Variants in PLG observed in about 807,000 individuals in gnomAD.
PLG encodes the protein plasminogen.
PLG carries 41 observed loss-of-function variants against 104.4 expected under a neutral mutation model. The ratio of observed to expected loss-of-function variants is 0.39; its 90% CI spans 0.31 to 0.51. The LOEUF is 0.51. PLG is among the 20% of genes least tolerant of loss of function. PLG has a pLI of 0.76. For synonymous variants in PLG, 337 were observed against 357.1 expected (o/e 0.94, Z 0.63); for missense variants, 891 against 1,003.6 (o/e 0.89, Z 1.52).
chr6:160,712,282 G>A (rs181902207), intron 4 of PLG: 160 of 157,076 alleles, frequency 1.0e-3, no homozygotes, highest in Non-Finnish European at 1.8e-3. Flanking sequence ...TAGACTGTAA[G>A]TCTTGTGATT....
rs1031032372 is a variant in PLG at position 160,710,854 on chromosome 6, G to A, written c.293-223G>A. ...TGCCCCGTGTGTCCCCAGCATCCTG[G>A]TGGGGCTCGATACACAGAGAGCTCA... On this transcript the variant is annotated intron_variant, in intron 3 of 18. Coordinates refer to ENST00000308192, the MANE Select transcript of PLG (RefSeq NM_000301.5). Among the ~76,000 whole-genome samples the A allele has an allele frequency of 9.2e-5, 14 of 152,300 alleles. 1 individual carries two copies. The highest frequency in any genetic ancestry group is 9.2e-4 in the Admixed American group (14 of 15,300).
In PLG at chr6:160,731,102, G is replaced by A; in HGVS notation, c.1308G>A (p.Trp436Ter). 3 of 1,614,076 alleles carry A rather than the reference G, an allele frequency of 1.9e-6. No individual in the cohort carries two copies. The highest frequency in any genetic ancestry group is 2.5e-6 in the Non-Finnish European group (3 of 1,179,978). ...CRNPDADKGP[W>*]CFTTDPSVRW... Reference sequence around the variant, plus strand: ...ATCCAGATGCCGATAAAGGCCCCTGGTGTTTTACCACAGACCCCAGCGTCA... The same window carrying A: ...ATCCAGATGCCGATAAAGGCCCCTGATGTTTTACCACAGACCCCAGCGTCA... The change falls in exon 11 of 19, where the codon TGG (tryptophan) becomes TGA (stop). Residue 436 changes from tryptophan (W) to a stop codon, truncating the protein, a stop_gained. Transcript: ENST00000308192. LOFTEE classifies it high-confidence loss of function. The surrounding 1 kb of genome is among the most constrained non-coding windows in gnomAD (Gnocchi z 5.1).
intron 1 of PLG, among the ~76,000 whole-genome samples, chr6:160,704,941 C>T (rs1272463257): frequency 2.6e-5 from 4 of 152,218 alleles, no homozygotes; most frequent in African/African-American, 9.6e-5. Context: ...AACCAATGCG[C>T]TCTGCAGTGT....
chr6:160,751,524 C>T (rs1285145483), intron 17 of PLG, among the ~76,000 whole-genome samples: 1 of 152,186 alleles, frequency 6.6e-6, no homozygotes, highest in Non-Finnish European at 1.5e-5. Context: ...ATAAGGTTTA[C>T]TATTTTAACC....
rs540499381 is a variant in PLG at position 160,711,001 on chromosome 6, C to T, written c.293-76C>T. On this transcript the variant is annotated intron_variant, in intron 3 of 18. Coordinates refer to ENST00000308192, the MANE Select transcript of PLG (RefSeq NM_000301.5). ...GGTCTGGTGCATGAGATCTTTTTCT[C>T]AACGTGACTATGCTGTGCAGACCTT... 38 of 1,419,696 alleles carry T rather than the reference C, an allele frequency of 2.7e-5. No homozygotes were observed. The African/African-American group carries it at 4.9e-4, about 18-fold the overall frequency. The allele number at this position is 1,419,696 out of a possible 1,614,324, so 87.9% of individuals were successfully genotyped here.
At chr6:160,716,620 A>G in intron 6 of PLG, 25 bp from the exon 7 acceptor site, 1 of 1,256,086 alleles carries the variant, frequency 8.0e-7, no homozygotes, top group Non-Finnish European at 1.2e-6. Flanking sequence ...GTTCAGTGCT[A>G]CTAAAATCTT....
At chr6:160,718,558 A>T (rs1777781970) in intron 8 of PLG, 102 bp downstream of exon 8, 1 of 1,354,490 alleles carries the variant, frequency 7.4e-7, no homozygotes, top group Non-Finnish European at 1.1e-6. Context: ...AGTATTCTGG[A>T]AGAAAAACTG....
At position 160,712,951 on chromosome 6, in the gene PLG, AT is replaced by A. The variant is rs766822979; in HGVS notation, c.408-34del. The A allele has an allele frequency of 8.9e-6, 14 of 1,578,900 alleles. No homozygotes were observed. The South Asian group carries it at 1.6e-4, about 17-fold the overall frequency. The stretch of plus-strand genomic sequence containing the variant: ...TGCTAATAGCAAGCTGATTTTTAGA[AT>A]ATAGTCTAAGTGCTTCTTTTCCATC... On this transcript the variant is annotated intron_variant, in intron 4 of 18. Transcript: ENST00000308192.
At position 160,731,129 on chromosome 6, in the gene PLG, G is replaced by T. The variant is rs371661937; in HGVS notation, c.1335G>T (p.Arg445Ser). The change falls in exon 11 of 19, where the codon AGG (arginine) becomes AGT (serine). Residue 445 changes from arginine to serine, a missense_variant. This residue lies in a region of PLG where 854 missense variants were observed against 932.1 expected (regional missense o/e 0.92). Coordinates refer to ENST00000308192, the MANE Select transcript of PLG (RefSeq NM_000301.5). This position sits in a 1 kb window ranked among gnomAD's most constrained non-coding sequence, Gnocchi z 5.1. ...PWCFTTDPSVRWEYCNLKKCS... is the reference protein window; with the variant it reads ...PWCFTTDPSVSWEYCNLKKCS... ...GTTTTACCACAGACCCCAGCGTCAG[G>T]TGGGAGTACTGCAACCTGAAAAAAT... is the stretch of plus-strand genomic sequence containing the variant. 2.1e-4 allele frequency: 337 copies of T among 1,614,046 alleles called. 4 individuals are homozygous for T. In the South Asian group the frequency reaches 3.3e-3, roughly 16 times the overall value.
rs1046097856 is a variant in PLG at position 160,725,823 on chromosome 6, A to G, written c.1256+3256A>G. ...AGCTGGAGTGGTAATGTTAATCCCA[A>G]AGTAATCTACAAGAAATAATACCAC... On this transcript the variant is annotated intron_variant, in intron 10 of 18. Coordinates refer to ENST00000308192, the MANE Select transcript of PLG (RefSeq NM_000301.5). This position sits in a 1 kb window ranked among gnomAD's most constrained non-coding sequence, Gnocchi z 6.3. 3.3e-5 allele frequency among the ~76,000 whole-genome samples: 5 copies of G among 152,116 alleles called. No individual in the cohort carries two copies. Among genetic ancestry groups the G allele is most frequent in the African/African-American group, 1.2e-4 (5 of 41,422 alleles).
intron 10 of PLG, among the ~76,000 whole-genome samples, chr6:160,727,366 T>A (rs28871637): frequency 9.9e-4 from 146 of 148,056 alleles, no homozygotes; most frequent in Non-Finnish European, 2.0e-3. Context: ...TCATTAGAAA[T>A]GTTATTATTT....
In PLG at chr6:160,723,305, T is replaced by G. The variant is rs1022385575; in HGVS notation, c.1256+738T>G. On this transcript the variant is annotated intron_variant, in intron 10 of 18. Coordinates refer to ENST00000308192, the MANE Select transcript of PLG (RefSeq NM_000301.5). The surrounding 1 kb of genome is among the most constrained non-coding windows in gnomAD (Gnocchi z 4.7). ...AGATGCTGAACAGCGAAAGAGGCCA[T>G]TAGATGAACAGAAAACCAGGTCTAA... 1.3e-5 allele frequency among the ~76,000 whole-genome samples: 2 copies of G among 152,068 alleles called. No homozygotes were observed. Among genetic ancestry groups the G allele is most frequent in the Non-Finnish European group, 2.9e-5 (2 of 68,020 alleles).
At position 160,752,071 on chromosome 6, in the gene PLG, T is replaced by C. The variant is rs557853705; in HGVS notation, c.2126-44T>C. 1.3e-6 allele frequency: 2 copies of C among 1,579,034 alleles called. No individual in the cohort carries two copies. The highest frequency in any genetic ancestry group is 1.1e-5 in the South Asian group (1 of 90,012). On this transcript the variant is annotated intron_variant, in intron 17 of 18. Transcript: ENST00000308192. This position sits in a 1 kb window ranked among gnomAD's most constrained non-coding sequence, Gnocchi z 4.7. Reference sequence around the variant, plus strand: ...CTGTTCTGGAATATCCTCCTGAATGTGTTTTGGGTGCAGTTGCCATTTCTT... The same window carrying C: ...CTGTTCTGGAATATCCTCCTGAATGCGTTTTGGGTGCAGTTGCCATTTCTT...
Position 160,731,526 on chromosome 6 carries a change from T to G in PLG, c.1439-219T>G, listed in dbSNP as rs945884261. ...TCAGTATCCCAGTCCAAATTCGTATTCTATCATGCTGCCATATGTGTGATT... is the reference window on the plus strand; with the variant it reads ...TCAGTATCCCAGTCCAAATTCGTATGCTATCATGCTGCCATATGTGTGATT... On this transcript the variant is annotated intron_variant, in intron 11 of 18. Coordinates refer to ENST00000308192, the MANE Select transcript of PLG (RefSeq NM_000301.5). The surrounding 1 kb of genome is among the most constrained non-coding windows in gnomAD (Gnocchi z 5.1). Among the ~76,000 whole-genome samples the G allele has an allele frequency of 3.3e-5, 5 of 152,176 alleles. No homozygotes were observed. Among genetic ancestry groups the G allele is most frequent in the African/African-American group, 1.2e-4 (5 of 41,426 alleles).
intron 17 of PLG, among the ~76,000 whole-genome samples, chr6:160,746,363 T>A (rs536036390): frequency 6.6e-6 from 1 of 152,342 alleles, no homozygotes; most frequent in African/African-American, 2.4e-5. Flanking sequence ...ACTGTCTTAT[T>A]TCAGAAAGCC....
At chr6:160,711,515 C>A (rs1777641824) in intron 4 of PLG, 1 of 1,534,720 alleles carries the variant, frequency 6.5e-7, no homozygotes, top group Non-Finnish European at 8.8e-7. Flanking sequence ...CCCATGGATA[C>A]AGAGGGCCAA....
At chr6:160,715,844 A>C (rs1456789278) in intron 6 of PLG, among the ~76,000 whole-genome samples, 1 of 152,266 alleles carries the variant, frequency 6.6e-6, no homozygotes, top group East Asian at 1.9e-4. Flanking sequence ...AACCAGAAGG[A>C]GAAGAGGATT....
At chr6:160,722,708 T>TCTTG (rs754725376) in intron 10 of PLG, 141 bp downstream of exon 10, 1 of 771,598 alleles carries the variant, frequency 1.3e-6, no homozygotes, top group Non-Finnish European at 2.2e-6. Flanking sequence ...GTCTCAAGAA[T>TCTTG]CTTGCTTTTG....
chr6:160,737,146 AAATT>A lies in PLG; in HGVS notation c.1802+143_1802+146del. 1 of 884,916 alleles carries A rather than the reference AAATT, an allele frequency of 1.1e-6. No individual in the cohort carries two copies. Among genetic ancestry groups the A allele is most frequent in the Non-Finnish European group, 1.7e-6 (1 of 596,562 alleles). The allele number at this position is 884,916 out of a possible 1,614,324, so 54.8% of individuals were successfully genotyped here. A position where few individuals can be genotyped will look rare whatever the true frequency, so the allele number is the denominator to read the frequency against. ...TTCTGAAGGAGGAAAAAAGCTACAA[AAATT>A]AATATATGTATATATACATATATAT... On this transcript the variant is annotated intron_variant, in intron 14 of 18. Coordinates refer to ENST00000308192, the MANE Select transcript of PLG (RefSeq NM_000301.5). The surrounding 1 kb of genome is among the most constrained non-coding windows in gnomAD (Gnocchi z 4.7).
Sources: gnomAD v4.1 joint callset for allele counts (sites outside exome capture counted in the v4.1 genomes callset) on GRCh38, gnomAD v4.1.1 for gene constraint, gnomAD v4.1.1 regional missense constraint, Gnocchi (gnomAD v3.1) non-coding constraint, MANE v1.5 for transcripts, NCBI Gene and HGNC (gene_info 2026-07-23, HGNC 2026-07-21) for gene names.